Variants in BMPR1B observed in about 807,000 individuals in gnomAD.
The protein encoded by BMPR1B is bone morphogenetic protein receptor type 1B.
In BMPR1B, 12 loss-of-function variants were observed where a neutral mutation model predicts 59.1. The observed-to-expected ratio is 0.20, with a 90% CI of 0.13 to 0.33. The LOEUF (loss-of-function observed/expected upper bound fraction) is 0.33. BMPR1B is among the 10% of genes least tolerant of loss of function. The pLI is 1.00. For missense variants in BMPR1B, 550 were observed against 610.9 expected (o/e 0.90, Z 1.05); for synonymous variants, 237 against 207.3 (o/e 1.14, Z -1.23).
chr4:94,838,055 T>C (rs1395536768), intron 1 of BMPR1B, among the ~76,000 whole-genome samples: 1 of 144,160 alleles, frequency 6.9e-6, no homozygotes, highest in Admixed American at 6.8e-5. Context: ...ATATGCTGGA[T>C]TACATGTATT....
At chr4:94,792,286 T>G (rs1454151400) in intron 1 of BMPR1B, among the ~76,000 whole-genome samples, 1 of 152,180 alleles carries the variant, frequency 6.6e-6, no homozygotes, top group African/African-American at 2.4e-5. Context: ...ATTACTGATT[T>G]TAATGGGGCT....
chr4:94,843,287 A>T (rs997286918), intron 1 of BMPR1B, among the ~76,000 whole-genome samples: 14 of 152,230 alleles, frequency 9.2e-5, no homozygotes, highest in African/African-American at 3.1e-4. Flanking sequence ...GAAGTTTATT[A>T]TCAAAACAAT....
chr4:95,095,591 T>A (rs1424167106), intron 3 of BMPR1B, among the ~76,000 whole-genome samples: 2 of 152,098 alleles, frequency 1.3e-5, no homozygotes, highest in Non-Finnish European at 2.9e-5. Flanking sequence ...AGAATCAACA[T>A]TTGGTTAAGT....
intron 3 of BMPR1B, among the ~76,000 whole-genome samples, chr4:95,049,106 C>T (rs1310563014): frequency 2.6e-5 from 4 of 152,140 alleles, no homozygotes; most frequent in African/African-American, 7.2e-5. Flanking sequence ...ATTCATCCTA[C>T]ATGCTGAAGT....
intron 3 of BMPR1B, among the ~76,000 whole-genome samples, chr4:95,082,700 T>A (rs920466950): frequency 9.2e-5 from 14 of 152,140 alleles, no homozygotes; most frequent in African/African-American, 3.4e-4. Context: ...GTACCCTTTT[T>A]TCATGCTGTA....
chr4:95,026,383 T>G (rs141027671), intron 3 of BMPR1B, among the ~76,000 whole-genome samples: 2 of 152,146 alleles, frequency 1.3e-5, no homozygotes, highest in Admixed American at 1.3e-4. Flanking sequence ...AAAATAACTT[T>G]CTGTCCATAT....
chr4:95,034,103 A>G (rs1725064294), intron 3 of BMPR1B, among the ~76,000 whole-genome samples: 1 of 152,172 alleles, frequency 6.6e-6, no homozygotes, highest in Admixed American at 6.6e-5. Context: ...ACTCTCTGGA[A>G]AGATAGGAGA....
chr4:95,063,553 C>T lies in BMPR1B; in HGVS notation c.-17-40855C>T, dbSNP rs375706439. 1.2e-4 allele frequency among the ~76,000 whole-genome samples: 19 copies of T among 152,152 alleles called. No individual in the cohort carries two copies. The East Asian group carries it at 1.9e-3, about 15-fold the overall frequency. The stretch of plus-strand genomic sequence containing the variant: ...CATTTTAGATTGAAATCAACACTGG[C>T]GTTTGTATCTTTTCTTCTAGCAGCT... On this transcript the variant is annotated intron_variant, in intron 3 of 12. Transcript: ENST00000515059.
chr4:94,847,770 A>C (rs747096277), intron 1 of BMPR1B, among the ~76,000 whole-genome samples: 1 of 152,122 alleles, frequency 6.6e-6, no homozygotes, highest in Non-Finnish European at 1.5e-5. Context: ...GAGTAGAATG[A>C]TGTTTCATAG....
chr4:94,863,619 A>G (rs1726088567), intron 1 of BMPR1B, among the ~76,000 whole-genome samples: 3 of 152,244 alleles, frequency 2.0e-5, no homozygotes, highest in Non-Finnish European at 4.4e-5. Context: ...TCATTTTGAC[A>G]TAATATATTT....
At chr4:94,829,679 G>T (rs944833220) in intron 1 of BMPR1B, among the ~76,000 whole-genome samples, 1 of 152,134 alleles carries the variant, frequency 6.6e-6, no homozygotes, top group Non-Finnish European at 1.5e-5. Context: ...AATTAAGAGT[G>T]CATAGAAATG....
chr4:94,837,262 G>C (rs1724860691), intron 1 of BMPR1B, among the ~76,000 whole-genome samples: 2 of 149,412 alleles, frequency 1.3e-5, no homozygotes, highest in Admixed American at 6.7e-5. Flanking sequence ...GGTTCCATAT[G>C]AACTTTAAAG....
chr4:95,010,716 TCTTTA>T (rs1441033330), intron 3 of BMPR1B, among the ~76,000 whole-genome samples: 2 of 152,188 alleles, frequency 1.3e-5, no homozygotes, highest in African/African-American at 4.8e-5. Context: ...CAATGTTGTA[TCTTTA>T]CTTTATGTCT....
intron 3 of BMPR1B, among the ~76,000 whole-genome samples, chr4:95,101,024 G>T (rs1484350230): frequency 1.3e-5 from 2 of 152,080 alleles, no homozygotes; most frequent in African/African-American, 4.8e-5. Flanking sequence ...TATGAGAATG[G>T]ATCACAGAAG....
intron 4 of BMPR1B, 41 bp from the exon 5 acceptor site, chr4:95,114,679 C>T (rs1043232365): frequency 1.5e-5 from 23 of 1,517,126 alleles, no homozygotes; most frequent in Non-Finnish European, 2.1e-5. Flanking sequence ...CTGACTCACA[C>T]ACACACATTC....
intron 2 of BMPR1B, among the ~76,000 whole-genome samples, chr4:94,928,202 G>C (rs1578812260): frequency 6.8e-6 from 1 of 148,056 alleles, no homozygotes; most frequent in Non-Finnish European, 1.5e-5. Flanking sequence ...AAGCTATGTT[G>C]CCCAGGCTGG....
intron 4 of BMPR1B, among the ~76,000 whole-genome samples, chr4:95,105,614 G>A (rs1263081513): frequency 1.3e-5 from 2 of 151,956 alleles, no homozygotes; most frequent in East Asian, 3.9e-4. Flanking sequence ...AACACAGGGA[G>A]GGAAACCTGG....
intron 2 of BMPR1B, among the ~76,000 whole-genome samples, chr4:94,946,962 A>C (rs973005729): frequency 4.3e-4 from 65 of 152,118 alleles, no homozygotes; most frequent in African/African-American, 1.6e-3. Context: ...TGAAGTGGGG[A>C]AATCGCCTGA....
chr4:94,999,680 A>G (rs1722303241), intron 3 of BMPR1B, among the ~76,000 whole-genome samples: 1 of 152,198 alleles, frequency 6.6e-6, no homozygotes, highest in African/African-American at 2.4e-5. Context: ...ATGCCTTCCA[A>G]AAGGCCCAGA....
Sources: allele counts gnomAD v4.1 joint callset (sites outside exome capture counted in the v4.1 genomes callset), GRCh38; gene constraint gnomAD v4.1.1; transcripts MANE v1.5; gene names NCBI Gene and HGNC (gene_info 2026-07-23, HGNC 2026-07-21).